The following OSBPL6 variants were observed in gnomAD, a reference collection of about 807,000 sequenced individuals.
The protein encoded by OSBPL6 is oxysterol-binding protein-related protein 6.
A neutral mutation model predicts 125.8 loss-of-function variants in OSBPL6; 49 were observed. That is an observed-to-expected ratio of 0.39 (90% CI 0.31 to 0.49). The LOEUF is 0.49. OSBPL6 is among the 20% of genes least tolerant of loss of function. The probability of loss-of-function intolerance (pLI) is 0.88; values close to 1 mark genes in which losing one functional copy is unlikely to be tolerated. For synonymous variants in OSBPL6, 394 were observed against 391.8 expected (o/e 1.01, Z -0.07); for missense variants, 986 against 1,135.4 (o/e 0.87, Z 1.89).
At chr2:178,214,480 C>A (rs2090001279) in intron 1 of OSBPL6, among the ~76,000 whole-genome samples, 1 of 152,188 alleles carries the variant, frequency 6.6e-6, no homozygotes, top group South Asian at 2.1e-4. Flanking sequence ...GACAGGCTGT[C>A]TGGACGAACA....
intron 1 of OSBPL6, among the ~76,000 whole-genome samples, chr2:178,253,682 A>G (rs925966062): frequency 2.0e-5 from 3 of 152,230 alleles, no homozygotes; most frequent in African/African-American, 2.4e-5. Context: ...TGAATATAAC[A>G]ATATGCTTTT....
intron 3 of OSBPL6, among the ~76,000 whole-genome samples, chr2:178,312,157 ATTTTTTTTT>A (rs67156772): frequency 9.9e-6 from 1 of 101,208 alleles, no homozygotes; most frequent in Non-Finnish European, 2.0e-5. Flanking sequence ...GATTTTTGTA[ATTTTTTTTT>A]TTTTTTTTTT....
At chr2:178,240,649 A>G (rs1050011520) in intron 1 of OSBPL6, among the ~76,000 whole-genome samples, 5 of 152,178 alleles carry the variant, frequency 3.3e-5, no homozygotes, top group Non-Finnish European at 5.9e-5. Context: ...GCTACTCAGG[A>G]GGCTGAGGCA....
chr2:178,195,907 C>T (rs1230735603), intron 1 of OSBPL6, among the ~76,000 whole-genome samples: 5 of 152,054 alleles, frequency 3.3e-5, no homozygotes, highest in Non-Finnish European at 5.9e-5. Flanking sequence ...ATGTAGTCTT[C>T]ACAAGGTAAA....
chr2:178,229,294 G>A (rs1275860111), intron 1 of OSBPL6, among the ~76,000 whole-genome samples: 1 of 152,158 alleles, frequency 6.6e-6, no homozygotes, highest in Non-Finnish European at 1.5e-5. Context: ...ATAGATTAGA[G>A]CCTTGTCTCT....
At chr2:178,344,300 G>T in intron 11 of OSBPL6, 1 of 1,614,040 alleles carries the variant, frequency 6.2e-7, no homozygotes, top group Non-Finnish European at 8.5e-7. Flanking sequence ...GGCCACCCGC[G>T]AAGGGCCAGT....
intron 1 of OSBPL6, among the ~76,000 whole-genome samples, chr2:178,209,434 TC>T (rs2089723753): frequency 9.2e-6 from 1 of 108,400 alleles, no homozygotes; most frequent in African/African-American, 3.6e-5. Flanking sequence ...CTTCTTTCTT[TC>T]TTTCTTTTTT....
chr2:178,288,556 A>G (rs10203420), intron 2 of OSBPL6, among the ~76,000 whole-genome samples: 51,404 of 152,044 alleles, frequency 0.34, 10,207 homozygotes, highest in East Asian at 0.59. Context: ...AAGTATGTAT[A>G]ACTGTATAAG....
intron 1 of OSBPL6, among the ~76,000 whole-genome samples, chr2:178,253,237 G>C (rs2091762809): frequency 2.0e-5 from 3 of 152,016 alleles, no homozygotes; most frequent in Admixed American, 2.0e-4. Context: ...GGCCAGGCTG[G>C]TCTCGAACTC....
intron 2 of OSBPL6, among the ~76,000 whole-genome samples, chr2:178,292,190 A>C (rs1326896117): frequency 6.6e-6 from 1 of 152,062 alleles, no homozygotes; most frequent in African/African-American, 2.4e-5. Context: ...GTCTTCTCAA[A>C]ATATCTTGTT....
At position 178,361,543 on chromosome 2, in the gene OSBPL6, A is replaced by G; in HGVS notation, c.1154-139A>G. On this transcript the variant is annotated intron_variant, in intron 12 of 24. Transcript: ENST00000190611. ...ATATCCTGATAAAGATTCCTTTTGA[A>G]GGCTGATTTTTAATTAGACTATTAC... The G allele has an allele frequency of 3.2e-6, 3 of 928,106 alleles. No homozygotes were observed. The Admixed American group carries it at 7.5e-5, about 23-fold the overall frequency. The allele number at this position is 928,106 out of a possible 1,614,324, so 57.5% of individuals were successfully genotyped here.
At chr2:178,282,503 G>A (rs1390318123) in intron 1 of OSBPL6, among the ~76,000 whole-genome samples, 1 of 152,184 alleles carries the variant, frequency 6.6e-6, no homozygotes, top group Non-Finnish European at 1.5e-5. Flanking sequence ...GAACGGGGGT[G>A]AATGAGCAAA....
chr2:178,227,525 A>T (rs148749055), intron 1 of OSBPL6, among the ~76,000 whole-genome samples: 351 of 152,362 alleles, frequency 2.3e-3, no homozygotes, highest in Middle Eastern at 0.01. Flanking sequence ...CCCTGTACAT[A>T]TAAAAAACTT....
intron 8 of OSBPL6, among the ~76,000 whole-genome samples, chr2:178,334,228 C>A (rs1048031740): frequency 1.3e-5 from 2 of 152,154 alleles, no homozygotes; most frequent in Non-Finnish European, 2.9e-5. Flanking sequence ...ACATTTGGCA[C>A]CTGAAATTGA....
intron 12 of OSBPL6, among the ~76,000 whole-genome samples, chr2:178,354,727 C>T (rs113446295): frequency 0.063 from 9,589 of 152,202 alleles, 390 homozygotes; most frequent in South Asian, 0.15. Context: ...CAGCTCTGCA[C>T]CAAGCAGACC....
Position 178,259,999 on chromosome 2 carries a change from T to C in OSBPL6, c.-350-24928T>C, listed in dbSNP as rs2092006356. Among the ~76,000 whole-genome samples, 3 of 152,322 alleles carry C rather than the reference T, an allele frequency of 2.0e-5. No homozygotes were observed. In the South Asian group the frequency reaches 6.2e-4, roughly 32 times the overall value. On this transcript the variant is annotated intron_variant, in intron 1 of 24. Coordinates refer to ENST00000190611, the MANE Select transcript of OSBPL6 (RefSeq NM_032523.4). ...ATGGATGATATTTGCTGAGGTTCCATTCATTCATTAGGAGATGCAAAATGG... is the reference window on the plus strand; with the variant it reads ...ATGGATGATATTTGCTGAGGTTCCACTCATTCATTAGGAGATGCAAAATGG...
At chr2:178,339,896 A>G (rs1398554318) in intron 11 of OSBPL6, 132 bp downstream of exon 11, 1 of 515,638 alleles carries the variant, frequency 1.9e-6, no homozygotes, top group Non-Finnish European at 3.3e-6. Flanking sequence ...TCAAACTGTT[A>G]CATTATCTAA....
chr2:178,216,040 T>C (rs1275137068), intron 1 of OSBPL6, among the ~76,000 whole-genome samples: 2 of 152,142 alleles, frequency 1.3e-5, no homozygotes, highest in African/African-American at 4.8e-5. Context: ...ACTTACTCAT[T>C]TGAGGGGGCT....
chr2:178,303,996 G>C (rs567204291), intron 2 of OSBPL6, among the ~76,000 whole-genome samples: 1 of 152,210 alleles, frequency 6.6e-6, no homozygotes, highest in East Asian at 1.9e-4. Flanking sequence ...CAATGTCTTA[G>C]TCCACTTGTG....
Sources: gnomAD v4.1 joint callset for allele counts (sites outside exome capture counted in the v4.1 genomes callset) on GRCh38, gnomAD v4.1.1 for gene constraint, MANE v1.5 for transcripts, NCBI Gene and HGNC (gene_info 2026-07-23, HGNC 2026-07-21) for gene names.